TBC1D8: variants seen among roughly 807,000 people sequenced by gnomAD.
TBC1D8 encodes the protein BUB2-like protein 1.
Under a neutral mutation model 118.8 loss-of-function variants are expected in TBC1D8, and 65 were observed. The observed-to-expected ratio is 0.55, with a 90% CI of 0.45 to 0.67. TBC1D8 has a LOEUF of 0.67. Ranked by LOEUF, TBC1D8 falls within the 30% of genes least tolerant of loss-of-function variation. The probability of loss-of-function intolerance (pLI) is 0.00; values close to 1 mark genes in which losing one functional copy is unlikely to be tolerated. For synonymous variants in TBC1D8, 566 were observed against 595.8 expected, an observed-to-expected ratio of 0.95 and a Z score of 0.73; for missense variants, 1,376 against 1,471.2, an observed-to-expected ratio of 0.94 and a Z score of 1.06.
At chr2:101,057,322 C>A (rs2105421241) in intron 3 of TBC1D8, among the ~76,000 whole-genome samples, 1 of 152,308 alleles carries the variant, frequency 6.6e-6, no homozygotes, top group African/African-American at 2.4e-5. Flanking sequence ...ATCTACATAA[C>A]AAACCTCACT....
At chr2:101,052,302 A>C (rs1280255119) in intron 4 of TBC1D8, among the ~76,000 whole-genome samples, 1 of 152,198 alleles carries the variant, frequency 6.6e-6, no homozygotes, top group Non-Finnish European at 1.5e-5. Context: ...TTTTAGAAAC[A>C]CCTGGTCTAG....
intron 1 of TBC1D8, among the ~76,000 whole-genome samples, chr2:101,122,301 G>A (rs1421148211): frequency 1.4e-4 from 20 of 140,758 alleles, no homozygotes; most frequent in Non-Finnish European, 3.0e-4. Context: ...TCGAACTCCT[G>A]ACCTCATGAT....
chr2:101,147,788 G>C (rs1427959729), intron 1 of TBC1D8, among the ~76,000 whole-genome samples: 1 of 152,132 alleles, frequency 6.6e-6, no homozygotes, highest in African/African-American at 2.4e-5. Flanking sequence ...CAGCAATGTT[G>C]TGTGTTCTTT....
intron 5 of TBC1D8, among the ~76,000 whole-genome samples, chr2:101,048,735 C>CTT (rs60788024): frequency 6.1e-5 from 9 of 147,780 alleles, no homozygotes; most frequent in Admixed American, 1.4e-4. Context: ...AATAATAAGT[C>CTT]TTTTTAAAAA....
At chr2:101,013,995 G>A (rs1679429296) in intron 17 of TBC1D8, among the ~76,000 whole-genome samples, 2 of 152,194 alleles carry the variant, frequency 1.3e-5, no homozygotes, top group Admixed American at 1.3e-4. Context: ...GTCATTGATA[G>A]GAAAATCAAC....
intron 17 of TBC1D8, among the ~76,000 whole-genome samples, chr2:101,013,093 C>G (rs1237457309): frequency 6.6e-6 from 1 of 152,154 alleles, no homozygotes; most frequent in East Asian, 1.9e-4. Context: ...CATAGAAAGG[C>G]AGCAATTAAT....
chr2:101,017,096 A>C (rs1679710253), intron 17 of TBC1D8, among the ~76,000 whole-genome samples: 1 of 151,770 alleles, frequency 6.6e-6, no homozygotes, highest in East Asian at 1.9e-4. Flanking sequence ...AAAAAGACAA[A>C]CACGCACATT....
At chr2:101,108,274 GGTCATCCAAAACAGGGAAA>G (rs1422060887) in intron 1 of TBC1D8, among the ~76,000 whole-genome samples, 5 of 152,090 alleles carry the variant, frequency 3.3e-5, no homozygotes, top group African/African-American at 9.7e-5. Flanking sequence ...AAACTGTGAA[GGTCATCCAAAACAGGGAAA>G]GTCTGAGAAA....
rs1256396165 is a variant in TBC1D8, at chr2:101,085,037, G to A, written c.283+5172C>T. Among the ~76,000 whole-genome samples the A allele has an allele frequency of 2.0e-5, 3 of 151,586 alleles. No homozygotes were observed. The South Asian group carries it at 6.3e-4, about 32-fold the overall frequency. On this transcript the variant is annotated intron_variant, in intron 2 of 19. Transcript: ENST00000409318. ...CTAATTTTTTTGTTTTTTTTTAGTA[G>A]AGTCGGGGTTTCACCGTGTTAGCCA...
chr2:101,039,341 G>T (rs1681235974), intron 6 of TBC1D8, among the ~76,000 whole-genome samples: 1 of 152,166 alleles, frequency 6.6e-6, no homozygotes, highest in African/African-American at 2.4e-5. Flanking sequence ...TAATAACATG[G>T]AGTTAGGAGA....
intron 15 of TBC1D8, 85 bp from the exon 16 acceptor site, chr2:101,022,606 C>T (rs1218441482): frequency 1.3e-6 from 2 of 1,490,116 alleles, no homozygotes; most frequent in Non-Finnish European, 1.8e-6. Context: ...TAATAAATTA[C>T]TCACAATCTC....
At position 101,054,672 on chromosome 2, in the gene TBC1D8, C is replaced by CTTTTTTTTTTTTTTT. The variant is rs34465252; in HGVS notation, c.403-351_403-337dup. Among the ~76,000 whole-genome samples, 107 of 25,404 alleles carry CTTTTTTTTTTTTTTT rather than the reference C, an allele frequency of 4.2e-3. 4 individuals carry two copies. The highest frequency in any genetic ancestry group is 0.015 in the East Asian group (10 of 646). The allele number at this position is 25,404 out of a possible 152,430, so 16.7% of individuals were successfully genotyped here. ...ACAAACAATCATTTTCTTTTCTTTT[C>CTTTTTTTTTTTTTTT]TTTTTTTTTTTTTTTTTTTTTTTTT... is the stretch of plus-strand genomic sequence containing the variant. On this transcript the variant is annotated intron_variant, in intron 3 of 19. Transcript: ENST00000409318.
intron 2 of TBC1D8, among the ~76,000 whole-genome samples, chr2:101,085,880 G>A (rs368126936): frequency 5.3e-5 from 8 of 152,306 alleles, no homozygotes; most frequent in African/African-American, 1.4e-4. Context: ...GGCGGCTCAC[G>A]CCTGTAACCT....
At chr2:101,028,194 G>A (rs747596346) in intron 13 of TBC1D8, 48 bp from the exon 14 acceptor site, 6 of 1,609,916 alleles carry the variant, frequency 3.7e-6, no homozygotes, top group African/African-American at 1.3e-5. Flanking sequence ...CTCATCCAAA[G>A]TGTGGAAACA....
intron 2 of TBC1D8, among the ~76,000 whole-genome samples, chr2:101,075,561 A>T (rs556765864): frequency 6.6e-5 from 10 of 152,264 alleles, no homozygotes; most frequent in African/African-American, 2.4e-4. Context: ...TGCTGTTCTC[A>T]TGATGGTGAG....
In TBC1D8 at chr2:101,022,507, C is replaced by T. The variant is rs559807365; in HGVS notation, c.2535G>A (p.Met845Ile). The change falls in exon 16 of 20, where the codon ATG (methionine) becomes ATA (isoleucine). Residue 845 changes from methionine to isoleucine, a missense_variant. Physicochemically the swap from Met to Ile is conservative, Grantham distance 10. Coordinates refer to ENST00000409318, the MANE Select transcript of TBC1D8 (RefSeq NM_001330348.2). ...GCCTGGGCTGCTCCCAGTAACAGCT[C>T]ATCATATGTTCTCTCTTCAAACAAG... is the stretch of plus-strand genomic sequence containing the variant. ...LYDLFKREHM[M>I]SCYWEQPRPM... 5 of 1,593,710 alleles carry T rather than the reference C, an allele frequency of 3.1e-6. No homozygotes were observed. In the Admixed American group the frequency reaches 7.6e-5, roughly 24 times the overall value.
At chr2:101,070,169 G>A (rs945684880) in intron 2 of TBC1D8, among the ~76,000 whole-genome samples, 9 of 151,258 alleles carry the variant, frequency 6.0e-5, no homozygotes, top group Admixed American at 1.3e-4. Context: ...TACCCGCCTC[G>A]ACCTCCCAAA....
intron 1 of TBC1D8, among the ~76,000 whole-genome samples, chr2:101,118,559 T>C (rs982031582): frequency 2.0e-5 from 3 of 151,818 alleles, no homozygotes; most frequent in East Asian, 3.9e-4. Flanking sequence ...TAGCCAGGCT[T>C]GGTGGCAGGC....
At chr2:101,140,622 G>T (rs527665740) in intron 1 of TBC1D8, among the ~76,000 whole-genome samples, 46 of 152,044 alleles carry the variant, frequency 3.0e-4, no homozygotes, top group Non-Finnish European at 6.3e-4. Flanking sequence ...ATTCTGCAAG[G>T]CTCATGAGAA....
Sources: gnomAD v4.1 joint callset for allele counts (sites outside exome capture counted in the v4.1 genomes callset) on GRCh38, gnomAD v4.1.1 for gene constraint, MANE v1.5 for transcripts, NCBI Gene and HGNC (gene_info 2026-07-23, HGNC 2026-07-21) for gene names.